F8: variants seen among roughly 807,000 people sequenced by gnomAD.
The protein encoded by F8 is antihemophilic factor.
Under a neutral mutation model 140.6 loss-of-function variants are expected in F8, and 12 were observed. The ratio of observed to expected loss-of-function variants is 0.09; its 90% CI spans 0.05 to 0.14. The LOEUF is 0.14. F8 is among the 10% of genes least tolerant of loss of function. F8 has a pLI of 1.00. For synonymous variants in F8, 585 were observed against 614.6 expected, an observed-to-expected ratio of 0.95 and a Z score of 0.71; for missense variants, 1,354 against 1,720.7, an observed-to-expected ratio of 0.79 and a Z score of 3.77.
At chrX:154,867,690 C>CAAAAAAAAAAAAAAA (rs373471645) in intron 22 of F8, among the ~76,000 whole-genome samples, 3 of 41,816 alleles carry the variant, frequency 7.2e-5, no homozygotes, top group Non-Finnish European at 9.0e-5. Context: ...GACTCTGTCT[C>CAAAAAAAAAAAAAAA]AAAAAAAAAA....
chrX:154,911,153 G>A (rs940763088), intron 14 of F8, among the ~76,000 whole-genome samples: 2 of 108,662 alleles, frequency 1.8e-5, no homozygotes, highest in Non-Finnish European at 3.8e-5. Context: ...GACCAGTGCC[G>A]GCGCGGGTCC....
rs782661825 is a variant in F8, at chrX:154,952,543, ATTTTTTT to A, written c.1903+1342_1903+1348del. Among the ~76,000 whole-genome samples the A allele has an allele frequency of 3.1e-5, 3 of 96,053 alleles. No homozygotes were observed. The Admixed American group carries it at 3.4e-4, about 11-fold the overall frequency. 83.4% of individuals were successfully genotyped at this position (96,053 alleles called of 115,157 possible). A position where few individuals can be genotyped will look rare whatever the true frequency, so the allele number is the denominator to read the frequency against. Reference sequence around the variant, plus strand: ...AAGGTTCCCATGCATTTCGTTCAGGATTTTTTTTTTTTTTTTTTGAAACGGAGTCTCA... The same window carrying A: ...AAGGTTCCCATGCATTTCGTTCAGGATTTTTTTTTTTGAAACGGAGTCTCA... On this transcript the variant is annotated intron_variant, in intron 12 of 25. Transcript: ENST00000360256.
rs781946335 is a variant in F8 at position 154,962,950 on chromosome X, G to A, written c.1444-1782C>T. Among the ~76,000 whole-genome samples, 10 of 110,462 alleles carry A rather than the reference G, an allele frequency of 9.1e-5. No homozygotes were observed. The South Asian group carries it at 3.9e-3, about 43-fold the overall frequency. On this transcript the variant is annotated intron_variant, in intron 9 of 25. Transcript: ENST00000360256. ...GAAGAGCAATAACATGGAAGCTGCA[G>A]CGAAGAACCCTGAAAATATCAATCC...
chrX:154,943,750 G>A (rs906466749), intron 13 of F8, among the ~76,000 whole-genome samples: 4 of 111,467 alleles, frequency 3.6e-5, no homozygotes, highest in Non-Finnish European at 5.7e-5. Flanking sequence ...GAGGCATCAC[G>A]CTCCCTGACT....
At chrX:154,972,050 G>C (rs1413285261) in intron 6 of F8, among the ~76,000 whole-genome samples, 1 of 112,016 alleles carries the variant, frequency 8.9e-6, no homozygotes, top group Non-Finnish European at 1.9e-5. Context: ...CCAGTAGTGG[G>C]ATTGCTAGAA....
chrX:154,983,392 C>T (rs1012780360), intron 6 of F8, among the ~76,000 whole-genome samples: 2 of 111,444 alleles, frequency 1.8e-5, no homozygotes, highest in Non-Finnish European at 3.8e-5. Flanking sequence ...CACTGCAGGG[C>T]AATACCACAT....
chrX:154,965,919 C>T, intron 9 of F8, 51 bp downstream of exon 9: 3 of 1,161,763 alleles, frequency 2.6e-6, no homozygotes, highest in South Asian at 3.6e-5. Context: ...AAACTCAAAA[C>T]TCTCCAGACT....
chrX:154,851,849 T>C (rs1779844906), intron 25 of F8, among the ~76,000 whole-genome samples: 1 of 111,600 alleles, frequency 9.0e-6, no homozygotes, highest in Non-Finnish European at 1.9e-5. Flanking sequence ...TCTCCTATAC[T>C]GTAGATCATC....
chrX:154,943,607 A>T (rs2073283336), intron 13 of F8, among the ~76,000 whole-genome samples: 1 of 111,934 alleles, frequency 8.9e-6, no homozygotes, highest in East Asian at 2.8e-4. Context: ...TGTAATTTAT[A>T]GATTCAATGC....
At chrX:154,920,545 C>G (rs1278658304) in intron 14 of F8, among the ~76,000 whole-genome samples, 2 of 110,504 alleles carry the variant, frequency 1.8e-5, no homozygotes, top group Non-Finnish European at 3.8e-5. Flanking sequence ...TTGACCCCCC[C>G]AGGCTCAAGC....
intron 22 of F8, among the ~76,000 whole-genome samples, chrX:154,889,157 C>CTTCTAT (rs1444990215): frequency 1.0e-5 from 1 of 99,362 alleles, no homozygotes; most frequent in Non-Finnish European, 2.0e-5. Context: ...TTCTTTTCTG[C>CTTCTAT]TTCTATTTCT....
At chrX:154,861,635 A>C (rs1453251469) in intron 24 of F8, 83 bp downstream of exon 24, 6 of 1,098,551 alleles carry the variant, frequency 5.5e-6, no homozygotes, top group Non-Finnish European at 7.5e-6. Flanking sequence ...GAAATACCTC[A>C]GAAGAAACAG....
In F8 at chrX:155,009,081, AT is replaced by A. The variant is rs781938309; in HGVS notation, c.144-9482del. Among the ~76,000 whole-genome samples, 770 of 98,001 alleles carry A rather than the reference AT, an allele frequency of 7.9e-3. 5 individuals are homozygous for A. The highest frequency in any genetic ancestry group is 9.4e-3 in the Non-Finnish European group (452 of 47,948). 85.1% of individuals were successfully genotyped at this position (98,001 alleles called of 115,157 possible). A position where few individuals can be genotyped will look rare whatever the true frequency, so the allele number is the denominator to read the frequency against. On this transcript the variant is annotated intron_variant, in intron 1 of 25. Transcript: ENST00000360256. ...CTAGGGAACACAACCAGTAACATTA[AT>A]TTTTTTTTTTTTTTTTTTGAGACGG...
chrX:154,852,906 C>T (rs1001944625), intron 25 of F8, among the ~76,000 whole-genome samples: 2 of 111,551 alleles, frequency 1.8e-5, no homozygotes, highest in African/African-American at 3.3e-5. Flanking sequence ...ACAAAAAAAC[C>T]CAGAATGCTT....
intron 23 of F8, 149 bp downstream of exon 23, chrX:154,862,934 T>C (rs2072704290): frequency 1.8e-6 from 1 of 558,719 alleles, no homozygotes; most frequent in Admixed American, 2.6e-5. Context: ...ATGGTATTTC[T>C]GGGTTTGCCC....
intron 1 of F8, among the ~76,000 whole-genome samples, chrX:155,015,176 TCA>T (rs2073727841): frequency 8.9e-6 from 1 of 111,888 alleles, no homozygotes; most frequent in Non-Finnish European, 1.9e-5. Flanking sequence ...GAAAGAAAAG[TCA>T]CACCATACAG....
Position 155,013,135 on chromosome X carries a change from G to C in F8, c.143+9275C>G, listed in dbSNP as rs1395476560. Among the ~76,000 whole-genome samples the C allele has an allele frequency of 4.0e-5, 3 of 74,790 alleles. No individual in the cohort carries two copies. The East Asian group carries it at 1.2e-3, about 31-fold the overall frequency. 64.9% of individuals were successfully genotyped at this position (74,790 alleles called of 115,157 possible). A position where few individuals can be genotyped will look rare whatever the true frequency, so the allele number is the denominator to read the frequency against. ...CACTCCAGCCTGGGTGACAGAGCGA[G>C]ACTCCGTCTCAAAAAAAAAAAAAAA... is the stretch of plus-strand genomic sequence containing the variant. On this transcript the variant is annotated intron_variant, in intron 1 of 25. Coordinates refer to ENST00000360256, the MANE Select transcript of F8 (RefSeq NM_000132.4).
At chrX:154,959,228 T>TA (rs201186167) in intron 10 of F8, among the ~76,000 whole-genome samples, 2,362 of 109,000 alleles carry the variant, frequency 0.022, 22 homozygotes, top group Middle Eastern at 0.038. Flanking sequence ...ATAAAAATAA[T>TA]AAAAAAAATT....
chrX:154,903,180 GTT>G (rs372878578), intron 18 of F8, among the ~76,000 whole-genome samples: 1 of 102,814 alleles, frequency 9.7e-6, no homozygotes, highest in Non-Finnish European at 2.0e-5. Flanking sequence ...AAACTGGATG[GTT>G]TTTTTTTTTT....
Sources: gnomAD v4.1 joint callset for allele counts (sites outside exome capture counted in the v4.1 genomes callset) on GRCh38, gnomAD v4.1.1 for gene constraint, MANE v1.5 for transcripts, NCBI Gene and HGNC (gene_info 2026-07-23, HGNC 2026-07-21) for gene names.